Variants in BRINP3 observed in about 807,000 individuals in gnomAD.
The protein encoded by BRINP3 is BMP/retinoic acid-inducible neural-specific protein 3.
A neutral mutation model predicts 71.0 loss-of-function variants in BRINP3; 19 were observed. The observed-to-expected ratio is 0.27, with a 90% confidence interval of 0.19 to 0.39. The LOEUF is 0.39. Among genes scored for constraint, BRINP3 ranks in the 10% least tolerant of loss-of-function variants. BRINP3 has a pLI of 1.00. For missense variants in BRINP3, 959 were observed against 940.8 expected (o/e 1.02, Z -0.25); for synonymous variants, 380 against 337.7 (o/e 1.13, Z -1.37).
intron 1 of BRINP3, among the ~76,000 whole-genome samples, chr1:190,470,579 C>A (rs1242277792): frequency 2.0e-5 from 3 of 150,940 alleles, no homozygotes; most frequent in African/African-American, 4.8e-5. Context: ...ACTGAGGGTA[C>A]TTTTTAACTC....
intron 7 of BRINP3, among the ~76,000 whole-genome samples, chr1:190,100,971 GAGTT>G (rs1651651683): frequency 6.6e-6 from 1 of 152,034 alleles, no homozygotes; most frequent in African/African-American, 2.4e-5. Flanking sequence ...CTTATCTTGG[GAGTT>G]AGTTTCTTAT....
intron 4 of BRINP3, among the ~76,000 whole-genome samples, chr1:190,243,441 T>C (rs1171307042): frequency 3.3e-5 from 5 of 152,090 alleles, no homozygotes; most frequent in Admixed American, 1.3e-4. Flanking sequence ...TGAATATACA[T>C]TTAGAAAACT....
intron 7 of BRINP3, among the ~76,000 whole-genome samples, chr1:190,144,554 A>T (rs917656000): frequency 6.6e-6 from 1 of 152,258 alleles, no homozygotes. Context: ...AAGTATATTC[A>T]TCTTTTTTTC....
At position 190,160,791 on chromosome 1, in the gene BRINP3, C is replaced by T. The variant is rs778586472; in HGVS notation, c.1061G>A (p.Arg354His). The T allele has an allele frequency of 5.1e-5, 83 of 1,613,422 alleles. No homozygotes were observed. The highest frequency in any genetic ancestry group is 2.5e-4 in the East Asian group (11 of 44,830). Reference sequence around the variant, plus strand: ...CATGCTGTTCTCCAGTTGTTCATAACGGCGCTGAAAATTAGAATCCATTGT... The same window carrying T: ...CATGCTGTTCTCCAGTTGTTCATAATGGCGCTGAAAATTAGAATCCATTGT... The part of the protein sequence containing the change: ...LWTMDSNFQR[R>H]YEQLENSMKQ... Residue 354 changes from arginine to histidine, a missense_variant, in exon 7 of 8, where the codon CGT becomes CAT. By Grantham distance (29) the Arg-to-His change is conservative. Coordinates refer to ENST00000367462, the MANE Select transcript of BRINP3 (RefSeq NM_199051.3).
At chr1:190,125,173 G>C (rs1013548652) in intron 7 of BRINP3, among the ~76,000 whole-genome samples, 1 of 151,814 alleles carries the variant, frequency 6.6e-6, no homozygotes, top group Non-Finnish European at 1.5e-5. Flanking sequence ...ACCAAATAAA[G>C]GTCACGCTGT....
chr1:190,294,551 C>A (rs980292906), intron 2 of BRINP3, among the ~76,000 whole-genome samples: 1 of 152,068 alleles, frequency 6.6e-6, no homozygotes, highest in Non-Finnish European at 1.5e-5. Flanking sequence ...TTCACCTGGC[C>A]CTCAAAACAG....
chr1:190,239,567 T>A (rs1468998479), intron 4 of BRINP3, among the ~76,000 whole-genome samples: 4 of 152,136 alleles, frequency 2.6e-5, no homozygotes, highest in Non-Finnish European at 5.9e-5. Flanking sequence ...TATTTTTTAA[T>A]CTAGGACATG....
At chr1:190,369,210 G>A (rs113702659) in intron 2 of BRINP3, among the ~76,000 whole-genome samples, 131 of 152,182 alleles carry the variant, frequency 8.6e-4, no homozygotes, top group African/African-American at 3.0e-3. Flanking sequence ...ATCTTTTGTT[G>A]TTATTATAAT....
chr1:190,423,389 CTTGAG>C lies in BRINP3; in HGVS notation c.236+31261_236+31265del, dbSNP rs1446916741. On this transcript the variant is annotated intron_variant, in intron 2 of 7. Transcript: ENST00000367462. Reference sequence around the variant, plus strand: ...GGCAGCCCCCAGTCCACAATTTTGACTTGAGTTTTCTGTTTATTTACATAACATAA... The same window carrying C: ...GGCAGCCCCCAGTCCACAATTTTGACTTTTCTGTTTATTTACATAACATAA... Among the ~76,000 whole-genome samples the C allele has an allele frequency of 2.6e-5, 4 of 151,792 alleles. No individual in the cohort carries two copies. In the East Asian group the frequency reaches 7.7e-4, roughly 29 times the overall value.
intron 4 of BRINP3, among the ~76,000 whole-genome samples, chr1:190,259,151 G>A (rs1267084583): frequency 6.0e-5 from 9 of 151,050 alleles, no homozygotes; most frequent in African/African-American, 2.2e-4. Flanking sequence ...CTTTTATGAG[G>A]CCAGTATTAC....
At chr1:190,453,016 TAG>T (rs1408102153) in intron 2 of BRINP3, among the ~76,000 whole-genome samples, 5 of 152,032 alleles carry the variant, frequency 3.3e-5, no homozygotes, top group Non-Finnish European at 7.4e-5. Context: ...GTTTGTGTGA[TAG>T]AGTGTTAAAA....
chr1:190,153,968 G>T (rs1656646871), intron 7 of BRINP3: 1 of 512,450 alleles, frequency 2.0e-6, no homozygotes, highest in South Asian at 8.5e-5. Flanking sequence ...TATACAAAAT[G>T]GAATTTTATT....
intron 2 of BRINP3, among the ~76,000 whole-genome samples, chr1:190,402,377 T>C (rs1177700294): frequency 6.6e-6 from 1 of 152,194 alleles, no homozygotes; most frequent in Non-Finnish European, 1.5e-5. Flanking sequence ...TGGTGTGTAA[T>C]AACTCCTTAT....
chr1:190,242,959 C>A (rs923295443), intron 4 of BRINP3, among the ~76,000 whole-genome samples: 11 of 151,996 alleles, frequency 7.2e-5, no homozygotes, highest in Admixed American at 7.2e-4. Flanking sequence ...TACCATGAGG[C>A]CAGGCACGAC....
At chr1:190,305,217 A>G (rs1427163174) in intron 2 of BRINP3, among the ~76,000 whole-genome samples, 1 of 151,946 alleles carries the variant, frequency 6.6e-6, no homozygotes, top group Non-Finnish European at 1.5e-5. Context: ...ATTAAAAATC[A>G]AACTACAATA....
At chr1:190,334,018 A>C (rs1243750481) in intron 2 of BRINP3, among the ~76,000 whole-genome samples, 7 of 151,856 alleles carry the variant, frequency 4.6e-5, no homozygotes, top group Non-Finnish European at 8.8e-5. Context: ...AATTTGCACA[A>C]CGCTATATGA....
intron 4 of BRINP3, among the ~76,000 whole-genome samples, chr1:190,245,432 G>A (rs953791282): frequency 2.6e-5 from 4 of 151,590 alleles, no homozygotes; most frequent in Non-Finnish European, 2.9e-5. Flanking sequence ...AAAATTCTAA[G>A]TGCCAGGGGA....
intron 6 of BRINP3, among the ~76,000 whole-genome samples, chr1:190,196,007 T>C (rs2102591882): frequency 6.6e-6 from 1 of 152,280 alleles, no homozygotes; most frequent in Admixed American, 6.5e-5. Flanking sequence ...TGTTCAAATG[T>C]TGTAAGCATG....
chr1:190,124,129 C>G (rs1228312655), intron 7 of BRINP3, among the ~76,000 whole-genome samples: 1 of 152,096 alleles, frequency 6.6e-6, no homozygotes, highest in African/African-American at 2.4e-5. Flanking sequence ...ATGATTAGAC[C>G]ACAGGGCTCT....
Sources: allele counts gnomAD v4.1 joint callset (sites outside exome capture counted in the v4.1 genomes callset), GRCh38; gene constraint gnomAD v4.1.1; transcripts MANE v1.5; gene names NCBI Gene and HGNC (gene_info 2026-07-23, HGNC 2026-07-21).